Variants in TRPM8 observed in about 807,000 individuals in gnomAD.
TRPM8 encodes the protein TRPM8 cationic channel.
Under a neutral mutation model 133.7 loss-of-function variants are expected in TRPM8, and 110 were observed. The observed-to-expected ratio is 0.82, with a 90% CI of 0.70 to 0.96. TRPM8 has a LOEUF of 0.96. Ranked by LOEUF, TRPM8 falls within the 40% of genes least tolerant of loss-of-function variation. TRPM8 has a pLI of 0.00. For missense variants in TRPM8, 1,291 were observed against 1,379.5 expected (o/e 0.94, Z 1.02); for synonymous variants, 535 against 532.3 (o/e 1.01, Z -0.07).
intron 17 of TRPM8, among the ~76,000 whole-genome samples, chr2:233,975,950 A>G (rs1166776313): frequency 6.6e-6 from 1 of 152,192 alleles, no homozygotes; most frequent in Non-Finnish European, 1.5e-5. Context: ...AAACCCAGGA[A>G]TCTGAGAGAG....
chr2:234,004,820 G>C (rs748245160), intron 22 of TRPM8, among the ~76,000 whole-genome samples: 16 of 151,832 alleles, frequency 1.1e-4, no homozygotes, highest in Middle Eastern at 6.8e-3. Flanking sequence ...TTTTTGTGTG[G>C]GTGTATAGTA....
rs1244680802 is a variant in TRPM8 at position 233,954,018 on chromosome 2, A to G, written c.1242A>G (p.Lys414=). Residue 414 remains lysine, a splice_region_variant and synonymous_variant, in exon 10 of 26, where the codon AAA becomes AAG. Coordinates refer to ENST00000324695, the MANE Select transcript of TRPM8 (RefSeq NM_024080.5). ...ATGCCATCTCCTACGCTCTATACAA[A>G]GGTGAGTAAAAATAGCTCCTTTTGA... The part of the protein sequence containing the change: ...VSNAISYALY[K]AFSTSEQDKD... The G allele has an allele frequency of 6.3e-7, 1 of 1,596,442 alleles. No individual in the cohort carries two copies. The highest frequency in any genetic ancestry group is 1.8e-5 in the Admixed American group (1 of 56,932).
chr2:233,975,029 G>A (rs28902194), intron 17 of TRPM8, among the ~76,000 whole-genome samples: 6,141 of 152,216 alleles, frequency 0.04, 152 homozygotes, highest in African/African-American at 0.068. Flanking sequence ...AAGAGGATGG[G>A]CGTCTGGCAT....
chr2:234,006,067 C>CTAACATGT (rs1251483399), intron 22 of TRPM8, among the ~76,000 whole-genome samples: 2 of 152,094 alleles, frequency 1.3e-5, no homozygotes, highest in African/African-American at 4.8e-5. Flanking sequence ...TTCCTAAACT[C>CTAACATGT]TAACATGTTG....
intron 20 of TRPM8, among the ~76,000 whole-genome samples, chr2:233,984,015 C>G (rs1432624914): frequency 1.3e-5 from 2 of 152,168 alleles, no homozygotes; most frequent in African/African-American, 4.8e-5. Context: ...GGTGTTGTCA[C>G]TCCCAGTCTG....
chr2:234,014,784 CAA>C (rs11422376), intron 25 of TRPM8, 130 bp downstream of exon 25: 91 of 340,778 alleles, frequency 2.7e-4, no homozygotes, highest in East Asian at 3.3e-4. Context: ...ATGCATTGTG[CAA>C]AAAAAAAAAA....
Position 233,927,767 on chromosome 2 carries a change from T to C in TRPM8, c.117+1113T>C, listed in dbSNP as rs1176784455. 2.7e-3 allele frequency among the ~76,000 whole-genome samples: 180 copies of C among 67,398 alleles called. 4 individuals carry two copies. The highest frequency in any genetic ancestry group is 0.012 in the African/African-American group (59 of 5,002). The allele number at this position is 67,398 out of a possible 152,430, so 44.2% of individuals were successfully genotyped here. A position where few individuals can be genotyped will look rare whatever the true frequency, so the allele number is the denominator to read the frequency against. On this transcript the variant is annotated intron_variant, in intron 2 of 25. Transcript: ENST00000324695. ...CTTTCTTTCTTTCTTTCTTTCTTTC[T>C]TTCTTTCTTTCTTTCTTTCTTTCTT... is the stretch of plus-strand genomic sequence containing the variant.
chr2:233,936,440 T>A (rs1348925549), intron 3 of TRPM8, among the ~76,000 whole-genome samples: 1 of 152,206 alleles, frequency 6.6e-6, no homozygotes, highest in Non-Finnish European at 1.5e-5. Flanking sequence ...AACGAGAAGA[T>A]CTCGTGTTCA....
At chr2:234,014,404 A>G (rs983934993) in intron 24 of TRPM8, among the ~76,000 whole-genome samples, 158 bp from the exon 25 acceptor site, 6 of 152,196 alleles carry the variant, frequency 3.9e-5, no homozygotes, top group Non-Finnish European at 5.9e-5. Flanking sequence ...CAGGATCTGA[A>G]ATATCACATG....
chr2:233,927,827 CCTTCCTTCCTTCCTTCCTTCCTTCCTTT>C (rs1691573910), intron 2 of TRPM8, among the ~76,000 whole-genome samples: 1 of 79,040 alleles, frequency 1.3e-5, no homozygotes, highest in Non-Finnish European at 2.3e-5. Context: ...TTCCTTCCTT[CCTTCCTTCCTTCCTTCCTTCCTTCCTTT>C]CTTTCTCTTT....
intron 17 of TRPM8, among the ~76,000 whole-genome samples, chr2:233,974,583 C>T (rs562717846): frequency 1.3e-5 from 2 of 152,268 alleles, no homozygotes; most frequent in East Asian, 1.9e-4. Context: ...GAGGGCAGCC[C>T]GCTGGTTCCT....
At chr2:233,937,216 C>A in intron 3 of TRPM8, 137 bp from the exon 4 acceptor site, 1 of 1,139,474 alleles carries the variant, frequency 8.8e-7, no homozygotes. Context: ...AGTTTCTACA[C>A]AACCAAGATG....
chr2:233,966,710 G>T lies in TRPM8; in HGVS notation c.1980G>T (p.Ala660=). ...GTGGAAGCAACTGTCTGGAGCTGGC[G>T]GTGGAGGCCACAGACCAGCATTTCA... ...AWGGSNCLEL[A]VEATDQHFIA... Residue 660 remains alanine (A), a synonymous_variant, in exon 15 of 26, where the codon GCG becomes GCT. Transcript: ENST00000324695. 3 of 1,610,492 alleles carry T rather than the reference G, an allele frequency of 1.9e-6. No homozygotes were observed. Among genetic ancestry groups the T allele is most frequent in the South Asian group, 2.2e-5 (2 of 90,576 alleles).
chr2:233,931,656 G>A (rs1017701108), intron 3 of TRPM8, among the ~76,000 whole-genome samples: 2 of 152,152 alleles, frequency 1.3e-5, no homozygotes, highest in African/African-American at 4.8e-5. Context: ...TGGTATTCAA[G>A]ACGCAGCATA....
chr2:233,929,369 G>C (rs1042572744), intron 2 of TRPM8, among the ~76,000 whole-genome samples: 3 of 152,200 alleles, frequency 2.0e-5, no homozygotes, highest in Non-Finnish European at 2.9e-5. Context: ...GACTTGCAGG[G>C]GCAGAAGGTG....
intron 21 of TRPM8, among the ~76,000 whole-genome samples, chr2:233,987,384 A>C (rs1454860609): frequency 1.3e-5 from 2 of 152,276 alleles, no homozygotes; most frequent in Non-Finnish European, 2.9e-5. Context: ...CACACATTAC[A>C]TTCATAATTT....
intron 7 of TRPM8, chr2:233,946,354 A>G (rs1691043406): frequency 4.6e-6 from 1 of 217,438 alleles, no homozygotes; most frequent in South Asian, 1.4e-4. Context: ...AATGACAAAT[A>G]TGAGTTTATG....
intron 22 of TRPM8, among the ~76,000 whole-genome samples, chr2:234,000,142 T>G (rs6727222): frequency 0.73 from 111,031 of 151,262 alleles, 41,129 homozygotes; most frequent in African/African-American, 0.83. Flanking sequence ...ACAGAGTCTC[T>G]CTGTGTTGCC....
At chr2:233,942,449 G>A (rs1690932921) in intron 5 of TRPM8, 127 bp from the exon 6 acceptor site, 4 of 884,872 alleles carry the variant, frequency 4.5e-6, no homozygotes, top group East Asian at 2.4e-5. Flanking sequence ...CTTGCCATAC[G>A]ACATAGCTGC....
Sources: allele counts gnomAD v4.1 joint callset (sites outside exome capture counted in the v4.1 genomes callset), GRCh38; gene constraint gnomAD v4.1.1; transcripts MANE v1.5; gene names NCBI Gene and HGNC (gene_info 2026-07-23, HGNC 2026-07-21).